Variants in PAPPA observed in about 807,000 individuals in gnomAD.
PAPPA encodes pappalysin 1.
Under a neutral mutation model 164.0 loss-of-function variants are expected in PAPPA, and 60 were observed. The ratio of observed to expected loss-of-function variants is 0.37; its 90% CI spans 0.30 to 0.45. PAPPA has a LOEUF of 0.45. Among genes scored for constraint, PAPPA ranks in the 20% least tolerant of loss-of-function variants. The probability of loss-of-function intolerance (pLI) is 1.00; values close to 1 mark genes in which losing one functional copy is unlikely to be tolerated. For missense variants in PAPPA, 1,782 were observed against 2,087.3 expected, an observed-to-expected ratio of 0.85 and a Z score of 2.85; for synonymous variants, 875 against 814.1, an observed-to-expected ratio of 1.07 and a Z score of -1.27.
chr9:116,340,402 C>T (rs1380818649), intron 13 of PAPPA, among the ~76,000 whole-genome samples: 1 of 152,216 alleles, frequency 6.6e-6, no homozygotes, highest in East Asian at 1.9e-4. Context: ...GACAGACTGG[C>T]AGATCTCTAT....
intron 7 of PAPPA, among the ~76,000 whole-genome samples, chr9:116,248,173 T>C (rs1844819024): frequency 6.6e-6 from 1 of 152,348 alleles, no homozygotes; most frequent in Middle Eastern, 3.4e-3. Flanking sequence ...GGAGTTGCTA[T>C]GCTTCAGTGT....
At position 116,187,827 on chromosome 9, in the gene PAPPA, T is replaced by C; in HGVS notation, c.1089T>C (p.Asp363=). The change falls in exon 2 of 22, where the codon GAT becomes GAC. Residue 363 remains aspartate (D), a synonymous_variant. Coordinates refer to ENST00000328252, the MANE Select transcript of PAPPA (RefSeq NM_002581.5). This position sits in a 1 kb window ranked among gnomAD's most constrained non-coding sequence, Gnocchi z 4.2. ...ACCGCGTGGTCAACCTCTATGAAGATGATCATAAGAACCCGACGGTGACGC... is the reference window on the plus strand; with the variant it reads ...ACCGCGTGGTCAACCTCTATGAAGACGATCATAAGAACCCGACGGTGACGC... The part of the protein sequence containing the change: ...VRYRVVNLYE[D]DHKNPTVTRE... The C allele has an allele frequency of 6.2e-7, 1 of 1,614,242 alleles. No homozygotes were observed. The highest frequency in any genetic ancestry group is 1.1e-5 in the South Asian group (1 of 91,092).
intron 12 of PAPPA, among the ~76,000 whole-genome samples, chr9:116,334,141 A>G (rs1846028620): frequency 6.7e-6 from 1 of 149,900 alleles, no homozygotes; most frequent in South Asian, 2.1e-4. Context: ...TGCTAATTCC[A>G]TCTTGCCACA....
chr9:116,276,613 C>T (rs1411210111), intron 9 of PAPPA, among the ~76,000 whole-genome samples: 1 of 152,164 alleles, frequency 6.6e-6, no homozygotes, highest in Non-Finnish European at 1.5e-5. Flanking sequence ...TCAAATCCTG[C>T]CTGACGCTGA....
At chr9:116,301,475 T>G (rs566192428) in intron 9 of PAPPA, among the ~76,000 whole-genome samples, 1 of 152,348 alleles carries the variant, frequency 6.6e-6, no homozygotes, top group South Asian at 2.1e-4. Flanking sequence ...GAAGAGCTGA[T>G]GCTAGAATTA....
intron 5 of PAPPA, among the ~76,000 whole-genome samples, chr9:116,222,789 C>T (rs1056838808): frequency 2.0e-5 from 3 of 152,038 alleles, no homozygotes; most frequent in South Asian, 4.1e-4. Context: ...AGAATGGTGA[C>T]TCTAATAAAT....
intron 10 of PAPPA, among the ~76,000 whole-genome samples, chr9:116,327,843 A>G (rs1046792467): frequency 2.6e-5 from 4 of 152,210 alleles, no homozygotes; most frequent in Non-Finnish European, 2.9e-5. Flanking sequence ...CCAGTTCCCC[A>G]GGAACATAGA....
intron 7 of PAPPA, among the ~76,000 whole-genome samples, chr9:116,260,149 A>C (rs766247980): frequency 2.6e-5 from 4 of 152,222 alleles, no homozygotes; most frequent in Non-Finnish European, 5.9e-5. Flanking sequence ...AAAAATGTGC[A>C]TGGGAAGGAA....
At chr9:116,344,774 C>T (rs1215684771) in intron 14 of PAPPA, 63 bp downstream of exon 14, 1 of 1,457,292 alleles carries the variant, frequency 6.9e-7, no homozygotes, top group Non-Finnish European at 9.5e-7. Context: ...TGGGTGTTAA[C>T]CATGTTCTCT....
chr9:116,298,395 A>C (rs1845536637), intron 9 of PAPPA, among the ~76,000 whole-genome samples: 1 of 152,246 alleles, frequency 6.6e-6, no homozygotes, highest in African/African-American at 2.4e-5. Flanking sequence ...GCACCTACCC[A>C]CGTCAAGTCT....
At chr9:116,237,866 C>G (rs542604697) in intron 7 of PAPPA, among the ~76,000 whole-genome samples, 2 of 151,866 alleles carry the variant, frequency 1.3e-5, no homozygotes, top group Admixed American at 1.3e-4. Flanking sequence ...ATTACAGGCA[C>G]GCACCACCAC....
At chr9:116,343,533 G>A (rs542470719) in intron 13 of PAPPA, among the ~76,000 whole-genome samples, 1 of 152,230 alleles carries the variant, frequency 6.6e-6, no homozygotes, top group Admixed American at 6.5e-5. Flanking sequence ...GCAGCAAGAT[G>A]CAAGACATAG....
chr9:116,156,862 A>G (rs879294110), intron 1 of PAPPA, among the ~76,000 whole-genome samples: 2 of 152,218 alleles, frequency 1.3e-5, no homozygotes, highest in Non-Finnish European at 2.9e-5. Flanking sequence ...TCCTTCGTGT[A>G]AGTTTGGGCT....
rs1245291274 is a variant in PAPPA, at chr9:116,302,874, C to G, written c.3071C>G (p.Ala1024Gly). 6.2e-7 allele frequency: 1 copy of G among 1,614,048 alleles called. No individual in the cohort carries two copies. The highest frequency in any genetic ancestry group is 1.1e-5 in the South Asian group (1 of 91,084). ...YTPQGFLDQWASNASVSHQDQ... is the reference protein window; with the variant it reads ...YTPQGFLDQWGSNASVSHQDQ... Reference sequence around the variant, plus strand: ...CCCCAGGGATTCCTGGATCAGTGGGCATCCAATGCTTCAGTATCTCATCAA... The same window carrying G: ...CCCCAGGGATTCCTGGATCAGTGGGGATCCAATGCTTCAGTATCTCATCAA... The change falls in exon 10 of 22, where the codon GCA becomes GGA. Residue 1024 changes from alanine (A) to glycine (G), a missense_variant. Physicochemically the swap from Ala to Gly is moderately conservative, Grantham distance 60. Transcript: ENST00000328252.
At chr9:116,329,939 A>G (rs1845968491) in intron 10 of PAPPA, among the ~76,000 whole-genome samples, 1 of 152,212 alleles carries the variant, frequency 6.6e-6, no homozygotes, top group Non-Finnish European at 1.5e-5. Flanking sequence ...CATATAGACT[A>G]TTTCCAATCT....
At chr9:116,192,495 C>T (rs576970933) in intron 2 of PAPPA, among the ~76,000 whole-genome samples, 1 of 152,310 alleles carries the variant, frequency 6.6e-6, no homozygotes, top group African/African-American at 2.4e-5. Context: ...TCCTTTTCTT[C>T]TCTCAATAAA....
At chr9:116,341,030 TTTTA>T (rs370348154) in intron 13 of PAPPA, among the ~76,000 whole-genome samples, 7 of 150,926 alleles carry the variant, frequency 4.6e-5, no homozygotes, top group African/African-American at 9.8e-5. Context: ...TATTTTTTTG[TTTTA>T]TTTATTTATT....
rs1440892314 is a variant in PAPPA, at chr9:116,362,804, C to T, written c.4495+65C>T. The T allele has an allele frequency of 2.6e-6, 4 of 1,514,324 alleles. No individual in the cohort carries two copies. In the African/African-American group the frequency reaches 5.5e-5, roughly 21 times the overall value. 93.8% of individuals were successfully genotyped at this position (1,514,324 alleles called of 1,614,324 possible). On this transcript the variant is annotated intron_variant, in intron 18 of 21. Transcript: ENST00000328252. The stretch of plus-strand genomic sequence containing the variant: ...TCCTTCCAGCAATGCAGGGCTAATG[C>T]CTGGGTGGGTCATTGAACACCCTGG...
At chr9:116,364,787 C>T (rs73656815) in intron 18 of PAPPA, among the ~76,000 whole-genome samples, 4,452 of 152,216 alleles carry the variant, frequency 0.029, 233 homozygotes, top group African/African-American at 0.1. Flanking sequence ...GGTGGTATTT[C>T]TTTACCCACT....
Sources: gnomAD v4.1 joint callset for allele counts (sites outside exome capture counted in the v4.1 genomes callset) on GRCh38, gnomAD v4.1.1 for gene constraint, Gnocchi (gnomAD v3.1) non-coding constraint, MANE v1.5 for transcripts, NCBI Gene and HGNC (gene_info 2026-07-23, HGNC 2026-07-21) for gene names.